Variants in ZNF793 observed in about 807,000 individuals in gnomAD.
The protein encoded by ZNF793 is zinc finger protein 793.
In ZNF793, 5 loss-of-function variants were observed where a neutral mutation model predicts 12.4. The observed-to-expected ratio is 0.40, with a 90% CI of 0.21 to 0.84. The LOEUF is 0.84. Among genes scored for constraint, ZNF793 ranks in the 40% least tolerant of loss-of-function variants. ZNF793 has a pLI of 0.35. For synonymous variants in ZNF793, 162 were observed against 172.4 expected (o/e 0.94, Z 0.47); for missense variants, 456 against 495.0 (o/e 0.92, Z 0.75).
At chr19:37,525,270 C>A (rs1420862213) in intron 5 of ZNF793, among the ~76,000 whole-genome samples, 2 of 151,792 alleles carry the variant, frequency 1.3e-5, no homozygotes, top group Non-Finnish European at 2.9e-5. Context: ...TCCTGAGTAG[C>A]TGGGACTACA....
rs761888732 is a variant in ZNF793 at position 37,523,399 on chromosome 19, CAT to C, written c.-30-10_-30-9del. On this transcript the variant is annotated splice_polypyrimidine_tract_variant and intron_variant, in intron 4 of 7. Transcript: ENST00000627814. ...CTCTTTCTCCATCTTCTTCCCCCCA[CAT>C]GTCTACAGGTGTCAGATCTTTTTCA... 1 of 1,607,488 alleles carries C rather than the reference CAT, an allele frequency of 6.2e-7. No individual in the cohort carries two copies. Among genetic ancestry groups the C allele is most frequent in the South Asian group, 1.1e-5 (1 of 90,956 alleles).
chr19:37,520,932 G>C (rs1310665018), intron 3 of ZNF793, among the ~76,000 whole-genome samples: 1 of 151,934 alleles, frequency 6.6e-6, no homozygotes, highest in Non-Finnish European at 1.5e-5. Context: ...TTGCCACCCA[G>C]GCTGGAGTAC....
rs2147124498 is a variant in ZNF793, at chr19:37,542,509, T to C, written c.*4630T>C. The C allele has an allele frequency of 2.7e-6, 1 of 372,558 alleles. No individual in the cohort carries two copies. The highest frequency in any genetic ancestry group is 2.1e-5 in the South Asian group (1 of 47,982). The allele number at this position is 372,558 out of a possible 1,614,324, so 23.1% of individuals were successfully genotyped here. ...TAAAAGACAGATGAACATGTGAACATGGACATTTATTGTAAAAATTGTTCT... is the reference window on the plus strand; with the variant it reads ...TAAAAGACAGATGAACATGTGAACACGGACATTTATTGTAAAAATTGTTCT... On this transcript the variant is annotated 3_prime_UTR_variant, in exon 8 of 8. Coordinates refer to ENST00000627814, the MANE Select transcript of ZNF793 (RefSeq NM_001013659.3).
chr19:37,519,735 A>C (rs1175522731), intron 2 of ZNF793, among the ~76,000 whole-genome samples: 1 of 152,228 alleles, frequency 6.6e-6, no homozygotes, highest in African/African-American at 2.4e-5. Context: ...ATCTTTCTCC[A>C]TTGGAAATCA....
At chr19:37,508,597 T>A (rs1181506280) in intron 2 of ZNF793, among the ~76,000 whole-genome samples, 194 bp downstream of exon 2, 1 of 152,022 alleles carries the variant, frequency 6.6e-6, no homozygotes, top group Non-Finnish European at 1.5e-5. Flanking sequence ...TCCCAGCTAC[T>A]CTGGAGGCTG....
At position 37,537,157 on chromosome 19, in the gene ZNF793, T is replaced by G. The variant is rs1256532527; in HGVS notation, c.499T>G (p.Tyr167Asp). ...RNCAKKQDEC[Y>D]AYGKLLQRIN... ...CTGTGCAAAAAAGCAAGATGAGTGT[T>G]ATGCTTATGGGAAATTGCTTCAGCG... The change falls in exon 8 of 8, where the codon TAT (tyrosine) becomes GAT (aspartate). Residue 167 changes from tyrosine to aspartate, a missense_variant. Coordinates refer to ENST00000627814, the MANE Select transcript of ZNF793 (RefSeq NM_001013659.3). The G allele has an allele frequency of 1.9e-6, 3 of 1,613,316 alleles. No individual in the cohort carries two copies. In the South Asian group the frequency reaches 3.3e-5, roughly 18 times the overall value.
intron 7 of ZNF793, chr19:37,535,438 A>T (rs2042497218): frequency 6.6e-6 from 1 of 152,228 alleles, no homozygotes; most frequent in African/African-American, 2.4e-5. Flanking sequence ...ACTTCTATGT[A>T]TAAAAATATA....
At chr19:37,510,088 C>T (rs1349634142) in intron 2 of ZNF793, among the ~76,000 whole-genome samples, 1 of 152,092 alleles carries the variant, frequency 6.6e-6, no homozygotes, top group Non-Finnish European at 1.5e-5. Flanking sequence ...TGGCCAGGCA[C>T]AGTGGCTTAC....
At chr19:37,530,150 A>G (rs1289561741) in intron 5 of ZNF793, among the ~76,000 whole-genome samples, 1 of 152,184 alleles carries the variant, frequency 6.6e-6, no homozygotes, top group East Asian at 1.9e-4. Flanking sequence ...AATGCCTTAC[A>G]GAGCAGTATT....
rs2147121647 is a variant in ZNF793, at chr19:37,540,646, T to G, written c.*2767T>G. ...CAGGAATTCAATATTGGCTTAGAGA[T>G]TCCAGTGAAGGCAATAAAAAGAAAT... On this transcript the variant is annotated 3_prime_UTR_variant, in exon 8 of 8. Transcript: ENST00000627814. The G allele has an allele frequency of 6.6e-6, 1 of 151,908 alleles. No individual in the cohort carries two copies. Among genetic ancestry groups the G allele is most frequent in the South Asian group, 2.1e-4 (1 of 4,802 alleles). The allele number at this position is 151,908 out of a possible 1,614,324, so 9.4% of individuals were successfully genotyped here.
chr19:37,515,160 A>G (rs1267854150), intron 2 of ZNF793, among the ~76,000 whole-genome samples: 1 of 152,240 alleles, frequency 6.6e-6, no homozygotes, highest in Admixed American at 6.5e-5. Context: ...ATTGGACAAG[A>G]CAAGAAAAAA....
In ZNF793 at chr19:37,537,126, G is replaced by A. The variant is rs374699540; in HGVS notation, c.468G>A (p.Lys156=). The change falls in exon 8 of 8, where the codon AAG becomes AAA. Residue 156 remains lysine, a synonymous_variant. Coordinates refer to ENST00000627814, the MANE Select transcript of ZNF793 (RefSeq NM_001013659.3). The part of the protein sequence containing the change: ...LNHNLDLIGF[K]RNCAKKQDEC... ...ATAATTTAGACTTGATTGGTTTTAA[G>A]AGAAACTGTGCAAAAAAGCAAGATG... 6.2e-7 allele frequency: 1 copy of A among 1,613,406 alleles called. No individual in the cohort carries two copies. Among genetic ancestry groups the A allele is most frequent in the Non-Finnish European group, 8.5e-7 (1 of 1,179,554 alleles).
In ZNF793 at chr19:37,542,921, T is replaced by C. The variant is rs2042560941; in HGVS notation, c.*5042T>C. 6.6e-6 allele frequency: 1 copy of C among 151,518 alleles called. No individual in the cohort carries two copies. Among genetic ancestry groups the C allele is most frequent in the Non-Finnish European group, 1.5e-5 (1 of 67,938 alleles). The allele number at this position is 151,518 out of a possible 1,614,324, so 9.4% of individuals were successfully genotyped here. ...GTAATGCAGGTAGGTTATGGGGGAGTCAGGGGTGTAGGGAAAAGGAAAACC... is the reference window on the plus strand; with the variant it reads ...GTAATGCAGGTAGGTTATGGGGGAGCCAGGGGTGTAGGGAAAAGGAAAACC... On this transcript the variant is annotated 3_prime_UTR_variant, in exon 8 of 8. Transcript: ENST00000627814.
chr19:37,537,584 G>A lies in ZNF793; in HGVS notation c.926G>A (p.Arg309Lys), dbSNP rs1429197074. The A allele has an allele frequency of 6.2e-7, 1 of 1,614,112 alleles. No homozygotes were observed. Among genetic ancestry groups the A allele is most frequent in the Non-Finnish European group, 8.5e-7 (1 of 1,180,012 alleles). Residue 309 changes from arginine (R) to lysine (K), a missense_variant, in exon 8 of 8, where the codon AGA becomes AAA. Physicochemically the swap from Arg to Lys is conservative, Grantham distance 26. Coordinates refer to ENST00000627814, the MANE Select transcript of ZNF793 (RefSeq NM_001013659.3). ...TEHQRTHTGE[R>K]PFVCSECGKS... ...CATCAGAGAACACACACAGGAGAGA[G>A]ACCCTTTGTCTGCAGTGAATGCGGG... is the stretch of plus-strand genomic sequence containing the variant.
Position 37,540,458 on chromosome 19 carries a change from G to C in ZNF793, c.*2579G>C, listed in dbSNP as rs55731325. On this transcript the variant is annotated 3_prime_UTR_variant, in exon 8 of 8. Coordinates refer to ENST00000627814, the MANE Select transcript of ZNF793 (RefSeq NM_001013659.3). ...TCAATCAAATTAACAGTTTAAAGGA[G>C]AAGAATCATATGAACTCTCAACAGA... is the stretch of plus-strand genomic sequence containing the variant. 3 of 151,154 alleles carry C rather than the reference G, an allele frequency of 2.0e-5. No individual in the cohort carries two copies. In the South Asian group the frequency reaches 6.3e-4, roughly 32 times the overall value. The allele number at this position is 151,154 out of a possible 1,614,324, so 9.4% of individuals were successfully genotyped here.
At position 37,536,905 on chromosome 19, in the gene ZNF793, T is replaced by C; in HGVS notation, c.247T>C (p.Trp83Arg). ...CPGCHCWEDI[W>R]RVNIQRKRRQ... ...CACTGTACTTTCTCCAGAAGACATC[T>C]GGCGAGTTAATATCCAGAGGAAAAG... Residue 83 changes from tryptophan to arginine, a missense_variant, in exon 8 of 8, where the codon TGG becomes CGG. Coordinates refer to ENST00000627814, the MANE Select transcript of ZNF793 (RefSeq NM_001013659.3). The C allele has an allele frequency of 1.9e-6, 3 of 1,604,032 alleles. No homozygotes were observed. The highest frequency in any genetic ancestry group is 2.5e-6 in the Non-Finnish European group (3 of 1,176,632).
chr19:37,527,509 G>A (rs2042425526), intron 5 of ZNF793, among the ~76,000 whole-genome samples: 1 of 152,160 alleles, frequency 6.6e-6, no homozygotes, highest in Non-Finnish European at 1.5e-5. Flanking sequence ...TAGTAATTAA[G>A]ACACACATAC....
intron 5 of ZNF793, among the ~76,000 whole-genome samples, chr19:37,529,835 C>A (rs2042443731): frequency 6.6e-6 from 1 of 152,102 alleles, no homozygotes. Context: ...CCCTCCACAC[C>A]TGTGGGTGTT....
rs746486457 is a variant in ZNF793 at position 37,540,877 on chromosome 19, A to G, written c.*2998A>G. 2 of 152,080 alleles carry G rather than the reference A, an allele frequency of 1.3e-5. No individual in the cohort carries two copies. Among genetic ancestry groups the G allele is most frequent in the Non-Finnish European group, 2.9e-5 (2 of 67,998 alleles). The allele number at this position is 152,080 out of a possible 1,614,324, so 9.4% of individuals were successfully genotyped here. A position where few individuals can be genotyped will look rare whatever the true frequency, so the allele number is the denominator to read the frequency against. On this transcript the variant is annotated 3_prime_UTR_variant, in exon 8 of 8. Coordinates refer to ENST00000627814, the MANE Select transcript of ZNF793 (RefSeq NM_001013659.3). ...TACACTAAATCTCAATGATTTTTTG[A>G]CAATCATTGAAAAAAATATATGAAA...
Sources: gnomAD v4.1 joint callset for allele counts (sites outside exome capture counted in the v4.1 genomes callset) on GRCh38, gnomAD v4.1.1 for gene constraint, MANE v1.5 for transcripts, NCBI Gene and HGNC (gene_info 2026-07-23, HGNC 2026-07-21) for gene names.